The following WNT11 variants were observed in gnomAD, a reference collection of about 807,000 sequenced individuals.
The protein encoded by WNT11 is Wnt family member 11, also known as protein Wnt-11.
Under a neutral mutation model 35.6 loss-of-function variants are expected in WNT11, and 20 were observed. The observed-to-expected ratio is 0.56, with a 90% confidence interval of 0.40 to 0.82. WNT11 has a LOEUF of 0.82. Among genes scored for constraint, WNT11 ranks in the 40% least tolerant of loss-of-function variants. The pLI is 0.00. For missense variants in WNT11, 459 were observed against 504.4 expected, an observed-to-expected ratio of 0.91 and a Z score of 0.86; for synonymous variants, 200 against 211.9, an observed-to-expected ratio of 0.94 and a Z score of 0.49.
chr11:76,187,016 G>T lies in WNT11; in HGVS notation c.*49C>A. On this transcript the variant is annotated 3_prime_UTR_variant, in exon 5 of 5. Transcript: ENST00000322563. ...CCAGGCCCCTGGCCCCAGTTGCTGA[G>T]GGTCCTTGAGCAGAGTCCTCGCTCC... 1 of 1,602,016 alleles carries T rather than the reference G, an allele frequency of 6.2e-7. No individual in the cohort carries two copies. The highest frequency in any genetic ancestry group is 1.1e-5 in the South Asian group (1 of 90,922).
At chr11:76,209,012 C>T (rs1459891737), upstream of WNT11, among the ~76,000 whole-genome samples, 1 of 152,200 alleles carries the variant, frequency 6.6e-6, no homozygotes, top group Non-Finnish European at 1.5e-5. Flanking sequence ...CTGCCTCCTG[C>T]GTCGCGGGCT....
At chr11:76,203,545 C>G (rs528290742) in intron 1 of WNT11, among the ~76,000 whole-genome samples, 2 of 152,332 alleles carry the variant, frequency 1.3e-5, no homozygotes, top group Admixed American at 1.3e-4. Flanking sequence ...CCTGGGACCC[C>G]GAATACTTGA....
chr11:76,210,405 C>T (rs1953549888), upstream of WNT11: 5 of 984,420 alleles, frequency 5.1e-6, no homozygotes, highest in Admixed American at 6.1e-5. Context: ...CCCCCTCGGA[C>T]TCGGGCGCCC....
rs569301844 is a variant in WNT11, at chr11:76,188,096, G to A, written c.891-857C>T. On this transcript the variant is annotated intron_variant, in intron 4 of 4. Coordinates refer to ENST00000322563, the MANE Select transcript of WNT11 (RefSeq NM_004626.3). ...GATCATTTGATTTTTAGAATCCTAGGATAAATGCTGAAATACTCGAACCCC... is the reference window on the plus strand; with the variant it reads ...GATCATTTGATTTTTAGAATCCTAGAATAAATGCTGAAATACTCGAACCCC... 5.3e-5 allele frequency among the ~76,000 whole-genome samples: 8 copies of A among 152,332 alleles called. No homozygotes were observed. In the East Asian group the frequency reaches 1.4e-3, roughly 26 times the overall value.
At chr11:76,206,183 G>T in intron 1 of WNT11, 142 bp downstream of exon 1, 1 of 694,194 alleles carries the variant, frequency 1.4e-6, no homozygotes, top group Non-Finnish European at 2.1e-6. Flanking sequence ...GGAAACAGAG[G>T]CTGAGGGATG....
At chr11:76,203,426 C>A (rs531011102) in intron 1 of WNT11, among the ~76,000 whole-genome samples, 1 of 152,354 alleles carries the variant, frequency 6.6e-6, no homozygotes, top group South Asian at 2.1e-4. Flanking sequence ...TCCCAACCGG[C>A]CTGGGCCTTT....
At chr11:76,200,827 G>A (rs907879928) in intron 1 of WNT11, among the ~76,000 whole-genome samples, 4 of 152,222 alleles carry the variant, frequency 2.6e-5, no homozygotes, top group Non-Finnish European at 4.4e-5. Flanking sequence ...CAACGTGGGC[G>A]ACAGCACATC....
intron 4 of WNT11, among the ~76,000 whole-genome samples, chr11:76,189,594 A>C (rs1045728911): frequency 6.6e-6 from 1 of 152,202 alleles, no homozygotes; most frequent in African/African-American, 2.4e-5. Flanking sequence ...CGCCTTTCAC[A>C]GTTCACCAGG....
intron 1 of WNT11, among the ~76,000 whole-genome samples, chr11:76,204,723 G>A (rs1034039175): frequency 1.3e-5 from 2 of 152,128 alleles, no homozygotes; most frequent in Admixed American, 6.6e-5. Context: ...ATGGACGTCA[G>A]GTTTAGCCAG....
upstream of WNT11, chr11:76,210,321 T>G: frequency 1.7e-6 from 1 of 588,764 alleles, no homozygotes; most frequent in Non-Finnish European, 2.1e-6. Context: ...GGGGGAAAGG[T>G]ATGGAGGAGC....
chr11:76,192,044 C>T (rs528302891), intron 3 of WNT11, among the ~76,000 whole-genome samples, 188 bp from the exon 4 acceptor site: 1 of 152,100 alleles, frequency 6.6e-6, no homozygotes, highest in Non-Finnish European at 1.5e-5. Context: ...GTGGGGGGCA[C>T]AGCTGAGGGG....
chr11:76,187,006 C>T lies in WNT11; in HGVS notation c.*59G>A. On this transcript the variant is annotated 3_prime_UTR_variant, in exon 5 of 5. Coordinates refer to ENST00000322563, the MANE Select transcript of WNT11 (RefSeq NM_004626.3). Reference sequence around the variant, plus strand: ...TGGAGTGTCTCCAGGCCCCTGGCCCCAGTTGCTGAGGGTCCTTGAGCAGAG... The same window carrying T: ...TGGAGTGTCTCCAGGCCCCTGGCCCTAGTTGCTGAGGGTCCTTGAGCAGAG... 6.3e-7 allele frequency: 1 copy of T among 1,599,886 alleles called. No individual in the cohort carries two copies. Among genetic ancestry groups the T allele is most frequent in the Non-Finnish European group, 8.5e-7 (1 of 1,178,724 alleles).
chr11:76,196,072 G>A (rs970894809), intron 2 of WNT11, among the ~76,000 whole-genome samples: 1 of 152,186 alleles, frequency 6.6e-6, no homozygotes, highest in Non-Finnish European at 1.5e-5. Flanking sequence ...AGTGTTACCT[G>A]TGGCACACCT....
chr11:76,200,894 C>A (rs902875278), intron 1 of WNT11, among the ~76,000 whole-genome samples: 1 of 152,268 alleles, frequency 6.6e-6, no homozygotes, highest in Non-Finnish European at 1.5e-5. Context: ...GCAGTGAAGG[C>A]AGCCTCCTGT....
At chr11:76,197,659 C>T (rs967716143) in intron 1 of WNT11, among the ~76,000 whole-genome samples, 1 of 152,172 alleles carries the variant, frequency 6.6e-6, no homozygotes, top group South Asian at 2.1e-4. Context: ...CTGCTGACTT[C>T]ATCCACCTCG....
At position 76,186,798 on chromosome 11, in the gene WNT11, C is replaced by T. The variant is rs189058862; in HGVS notation, c.*267G>A. The T allele has an allele frequency of 1.0e-4, 60 of 586,256 alleles. No individual in the cohort carries two copies. The East Asian group carries it at 1.3e-3, about 13-fold the overall frequency. 36.3% of individuals were successfully genotyped at this position (586,256 alleles called of 1,614,324 possible). A position where few individuals can be genotyped will look rare whatever the true frequency, so the allele number is the denominator to read the frequency against. On this transcript the variant is annotated 3_prime_UTR_variant, in exon 5 of 5. Coordinates refer to ENST00000322563, the MANE Select transcript of WNT11 (RefSeq NM_004626.3). Reference sequence around the variant, plus strand: ...CACCGATCCCAAGCCCCGCTCCTTACACCAGCCTGTGGGCACTCCAGAGCC... The same window carrying T: ...CACCGATCCCAAGCCCCGCTCCTTATACCAGCCTGTGGGCACTCCAGAGCC...
chr11:76,190,015 G>A (rs1953158168), intron 4 of WNT11, among the ~76,000 whole-genome samples: 1 of 151,842 alleles, frequency 6.6e-6, no homozygotes, highest in Non-Finnish European at 1.5e-5. Context: ...GGAGTGAGGG[G>A]CAGCTGGGAG....
intron 1 of WNT11, among the ~76,000 whole-genome samples, chr11:76,199,004 C>T (rs779702972): frequency 5.3e-5 from 8 of 152,170 alleles, no homozygotes; most frequent in African/African-American, 1.2e-4. Context: ...GGCATGGTGG[C>T]GCATGCCTGT....
chr11:76,190,570 C>T (rs1439763387), intron 4 of WNT11, among the ~76,000 whole-genome samples: 2 of 152,286 alleles, frequency 1.3e-5, no homozygotes, highest in African/African-American at 4.8e-5. Flanking sequence ...TGGCTGTGCA[C>T]CAACTATGTG....
Sources: gnomAD v4.1 joint callset for allele counts (sites outside exome capture counted in the v4.1 genomes callset) on GRCh38, gnomAD v4.1.1 for gene constraint, MANE v1.5 for transcripts, NCBI Gene and HGNC (gene_info 2026-07-23, HGNC 2026-07-21) for gene names.